BTN2A1: variants seen among roughly 807,000 people sequenced by gnomAD.
The protein encoded by BTN2A1 is butyrophilin subfamily 2 member A1.
A neutral mutation model predicts 34.5 loss-of-function variants in BTN2A1; 41 were observed. The observed-to-expected ratio is 1.19, with a 90% CI of 0.93 to 1.54. The LOEUF (loss-of-function observed/expected upper bound fraction) is 1.54, where lower values mean the gene tolerates loss of function less well. Among genes scored for constraint, BTN2A1 ranks in the 40% most tolerant of loss-of-function variants. BTN2A1 has a pLI of 0.00. For synonymous variants in BTN2A1, 267 were observed against 258.6 expected, an observed-to-expected ratio of 1.03 and a Z score of -0.31; for missense variants, 642 against 662.0, an observed-to-expected ratio of 0.97 and a Z score of 0.33.
In BTN2A1 at chr6:26,468,500, C is replaced by T. The variant is rs1306244412; in HGVS notation, c.1535C>T (p.Pro512Leu). ...ACAGGAGCCAATGGGGTCACGGTGC[C>T]TGAAGAGGGCCTGACACTTCACAGA... ...ALTGANGVTV[P>L]EEGLTLHRVG... is the part of the protein sequence containing the mutation. The change falls in exon 8 of 8, where the codon CCT (proline) becomes CTT (leucine). Residue 512 changes from proline to leucine, a missense_variant. Physicochemically the swap from Pro to Leu is moderately conservative, Grantham distance 98. Coordinates refer to ENST00000312541, the MANE Select transcript of BTN2A1 (RefSeq NM_007049.5). 6.2e-7 allele frequency: 1 copy of T among 1,614,038 alleles called. No individual in the cohort carries two copies. The highest frequency in any genetic ancestry group is 1.3e-5 in the African/African-American group (1 of 74,906).
chr6:26,463,011 A>T (rs1183410784), intron 3 of BTN2A1: 3 of 960,852 alleles, frequency 3.1e-6, no homozygotes, highest in African/African-American at 3.3e-5. Context: ...GTGCAATGGG[A>T]TCCTTTCCTC....
intron 4 of BTN2A1, among the ~76,000 whole-genome samples, 170 bp downstream of exon 4, chr6:26,463,695 A>C (rs1763235536): frequency 6.6e-6 from 1 of 152,082 alleles, no homozygotes; most frequent in African/African-American, 2.4e-5. Context: ...AAGGAGAATC[A>C]AAGTGTCCCA....
Position 26,468,206 on chromosome 6 carries a change from T to C in BTN2A1, c.1241T>C (p.Leu414Pro), listed in dbSNP as rs1353940837. The C allele has an allele frequency of 6.2e-7, 1 of 1,614,086 alleles. No individual in the cohort carries two copies. Among genetic ancestry groups the C allele is most frequent in the Non-Finnish European group, 8.5e-7 (1 of 1,180,038 alleles). The change falls in exon 8 of 8, where the codon CTG (leucine) becomes CCG (proline). Residue 414 changes from leucine to proline, a missense_variant. Physicochemically the swap from Leu to Pro is moderately conservative, Grantham distance 98. Coordinates refer to ENST00000312541, the MANE Select transcript of BTN2A1 (RefSeq NM_007049.5). ...AGTGTTGAGAGGAAAGGGGAGGTCCTGCTGATTCCTCAGAATGGCTTCTGG... is the reference window on the plus strand; with the variant it reads ...AGTGTTGAGAGGAAAGGGGAGGTCCCGCTGATTCCTCAGAATGGCTTCTGG... ...RDSVERKGEV[L>P]LIPQNGFWTL... is the part of the protein sequence containing the mutation.
At chr6:26,467,736 A>G (rs775001415) in intron 7 of BTN2A1, 10 of 1,591,576 alleles carry the variant, frequency 6.3e-6, no homozygotes, top group South Asian at 2.3e-5. Flanking sequence ...ATTCTTCTCA[A>G]ACTGAGAGAA....
At position 26,460,656 on chromosome 6, in the gene BTN2A1, C is replaced by G. The variant is rs550114461; in HGVS notation, c.430+828C>G. Reference sequence around the variant, plus strand: ...GGCGTGGTGGCTCATACCTGTAATACGAGCACTTTGGGAGGCAGAGGCAGG... The same window carrying G: ...GGCGTGGTGGCTCATACCTGTAATAGGAGCACTTTGGGAGGCAGAGGCAGG... On this transcript the variant is annotated intron_variant, in intron 3 of 7. Coordinates refer to ENST00000312541, the MANE Select transcript of BTN2A1 (RefSeq NM_007049.5). Among the ~76,000 whole-genome samples, 16 of 152,248 alleles carry G rather than the reference C, an allele frequency of 1.1e-4. No individual in the cohort carries two copies. In the South Asian group the frequency reaches 3.3e-3, roughly 32 times the overall value.
chr6:26,467,962 G>A lies in BTN2A1; in HGVS notation c.997G>A (p.Asp333Asn). ...TFLHAVDVVL[D>N]PDTAHPDLFL... ...TTCCTCTGCAGTTGATGTGGTCCTG[G>A]ATCCAGACACCGCTCATCCCGATCT... The change falls in exon 8 of 8, where the codon GAT becomes AAT. Residue 333 changes from aspartate to asparagine, a missense_variant. By Grantham distance (23) the Asp-to-Asn change is conservative (BLOSUM62 1). Transcript: ENST00000312541. 6.2e-7 allele frequency: 1 copy of A among 1,613,092 alleles called. No homozygotes were observed. Among genetic ancestry groups the A allele is most frequent in the Non-Finnish European group, 8.5e-7 (1 of 1,179,156 alleles).
downstream of BTN2A1, among the ~76,000 whole-genome samples, chr6:26,470,949 T>G (rs911573403): frequency 3.9e-5 from 6 of 152,166 alleles, no homozygotes; most frequent in African/African-American, 1.2e-4. Context: ...ATAAATGCCC[T>G]CTCATGTCTG....
Position 26,465,973 on chromosome 6 carries a change from CG to C in BTN2A1, c.955+1del, listed in dbSNP as rs1561872241. The C allele has an allele frequency of 6.2e-7, 1 of 1,614,184 alleles. No homozygotes were observed. The highest frequency in any genetic ancestry group is 1.3e-5 in the African/African-American group (1 of 75,046). On this transcript the variant is annotated splice_donor_variant, in intron 6 of 7. Coordinates refer to ENST00000312541, the MANE Select transcript of BTN2A1 (RefSeq NM_007049.5). LOFTEE classifies it high-confidence loss of function. ...TTCAGAGAAACTTCAAGAAGAATTGCGTAAGTTTAGCCTTTCCTTAACTACA... is the reference window on the plus strand; with the variant it reads ...TTCAGAGAAACTTCAAGAAGAATTGCTAAGTTTAGCCTTTCCTTAACTACA...
At chr6:26,475,823 CAG>C (rs887378744) in intron 7 of BTN2A1, among the ~76,000 whole-genome samples, 2 of 151,896 alleles carry the variant, frequency 1.3e-5, no homozygotes, top group Non-Finnish European at 2.9e-5. Context: ...ATGATGCAAA[CAG>C]AAGAGCATTT....
chr6:26,466,613 G>A (rs1430024589), intron 7 of BTN2A1, among the ~76,000 whole-genome samples: 1 of 152,142 alleles, frequency 6.6e-6, no homozygotes, highest in Non-Finnish European at 1.5e-5. Context: ...CCGTGGGAGG[G>A]ATTTCAGGTG....
At chr6:26,467,826 A>G in intron 7 of BTN2A1, 122 bp from the exon 8 acceptor site, 5 of 1,558,196 alleles carry the variant, frequency 3.2e-6, no homozygotes, top group African/African-American at 1.4e-5. Flanking sequence ...GAGAGCCTTC[A>G]TGGAAGTGGC....
At chr6:26,470,965 C>T (rs148004550), downstream of BTN2A1, among the ~76,000 whole-genome samples, 2 of 152,244 alleles carry the variant, frequency 1.3e-5, no homozygotes, top group East Asian at 3.9e-4. Context: ...GTCTGTATCC[C>T]CTATTGGTTC....
chr6:26,468,826 G>C lies in BTN2A1; in HGVS notation c.*277G>C. The C allele has an allele frequency of 3.9e-6, 6 of 1,546,612 alleles. No individual in the cohort carries two copies. The highest frequency in any genetic ancestry group is 5.3e-6 in the Non-Finnish European group (6 of 1,141,330). ...GCTCCCAGCCAAGAAGAAAGTGTGA[G>C]AAGTTGATGGGCAGCAAACCTGCTG... On this transcript the variant is annotated 3_prime_UTR_variant, in exon 8 of 8. Coordinates refer to ENST00000312541, the MANE Select transcript of BTN2A1 (RefSeq NM_007049.5).
At chr6:26,471,366 C>G (rs1763445954), downstream of BTN2A1, among the ~76,000 whole-genome samples, 1 of 152,188 alleles carries the variant, frequency 6.6e-6, no homozygotes, top group Admixed American at 6.5e-5. Flanking sequence ...CATCCTTGTT[C>G]ACAGCCTTTT....
At position 26,458,732 on chromosome 6, in the gene BTN2A1, C is replaced by T. The variant is rs745797236; in HGVS notation, c.82+14C>T. The T allele has an allele frequency of 6.2e-7, 1 of 1,613,102 alleles. No homozygotes were observed. The highest frequency in any genetic ancestry group is 8.5e-7 in the Non-Finnish European group (1 of 1,179,124). Reference sequence around the variant, plus strand: ...CACTGGTCTCAGGTAGGGATGTGTGCCACTTGCTGCTGTCACCTATCAGAA... The same window carrying T: ...CACTGGTCTCAGGTAGGGATGTGTGTCACTTGCTGCTGTCACCTATCAGAA... On this transcript the variant is annotated intron_variant, in intron 2 of 7. Coordinates refer to ENST00000312541, the MANE Select transcript of BTN2A1 (RefSeq NM_007049.5).
At chr6:26,473,857 A>G (rs1346483184), downstream of BTN2A1, among the ~76,000 whole-genome samples, 1 of 148,020 alleles carries the variant, frequency 6.8e-6, no homozygotes, top group Non-Finnish European at 1.5e-5. Flanking sequence ...CAATGTGTAC[A>G]ATTCAATATC....
Position 26,465,335 on chromosome 6 carries a change from A to C in BTN2A1, c.863A>C (p.Glu288Ala), listed in dbSNP as rs765694823. The C allele has an allele frequency of 1.2e-6, 2 of 1,614,196 alleles. No homozygotes were observed. Among genetic ancestry groups the C allele is most frequent in the East Asian group, 2.2e-5 (1 of 44,892 alleles). The change falls in exon 5 of 8, where the codon GAA becomes GCA. Residue 288 changes from glutamate (E) to alanine (A), a missense_variant. Glu to Ala is a moderately radical substitution (Grantham distance 107, BLOSUM62 -1). Coordinates refer to ENST00000312541, the MANE Select transcript of BTN2A1 (RefSeq NM_007049.5). ...ILSGEKEFER[E>A]TREIALKELE... ...TCAGGGGAAAAGGAGTTTGAACGGG[A>C]AACAAGAGAAATTGCTCTAAAGGAA... is the stretch of plus-strand genomic sequence containing the variant.
chr6:26,475,873 T>C (rs557160641), intron 7 of BTN2A1, among the ~76,000 whole-genome samples: 6 of 152,190 alleles, frequency 3.9e-5, no homozygotes, highest in African/African-American at 1.4e-4. Context: ...GGGAGGATGG[T>C]GAAAGAACAT....
rs1214013571 is a variant in BTN2A1, at chr6:26,468,045, G to C, written c.1080G>C (p.Glu360Asp). ...VRRCPFRHLG[E>D]SVPDNPERFD... ...GGTGCCCCTTCAGGCACCTAGGGGAGAGCGTGCCTGACAACCCAGAGAGAT... is the reference window on the plus strand; with the variant it reads ...GGTGCCCCTTCAGGCACCTAGGGGACAGCGTGCCTGACAACCCAGAGAGAT... The change falls in exon 8 of 8, where the codon GAG (glutamate) becomes GAC (aspartate). Residue 360 changes from glutamate to aspartate, a missense_variant. Coordinates refer to ENST00000312541, the MANE Select transcript of BTN2A1 (RefSeq NM_007049.5). 1 of 1,614,126 alleles carries C rather than the reference G, an allele frequency of 6.2e-7. No homozygotes were observed. The highest frequency in any genetic ancestry group is 1.3e-5 in the African/African-American group (1 of 74,938).
Sources: gnomAD v4.1 joint callset for allele counts (sites outside exome capture counted in the v4.1 genomes callset) on GRCh38, gnomAD v4.1.1 for gene constraint, MANE v1.5 for transcripts, NCBI Gene and HGNC (gene_info 2026-07-23, HGNC 2026-07-21) for gene names.